RBM25: variants seen among roughly 807,000 people sequenced by gnomAD.
RBM25 encodes RNA binding motif protein 25.
Under a neutral mutation model 120.7 loss-of-function variants are expected in RBM25, and 19 were observed. The ratio of observed to expected loss-of-function variants is 0.16; its 90% CI spans 0.11 to 0.23. The LOEUF (loss-of-function observed/expected upper bound fraction) is 0.23. Among genes scored for constraint, RBM25 ranks in the 10% least tolerant of loss-of-function variants. The pLI, the probability that RBM25 is intolerant of heterozygous loss-of-function variation, is 1.00. For missense variants in RBM25, 605 were observed against 1,041.5 expected (o/e 0.58, Z 5.77); for synonymous variants, 390 against 326.7 (o/e 1.19, Z -2.09).
chr14:73,083,898 CTT>C (rs146202316), intron 5 of RBM25, among the ~76,000 whole-genome samples: 24 of 141,106 alleles, frequency 1.7e-4, no homozygotes, highest in Non-Finnish European at 2.2e-4. Flanking sequence ...GGCCTGTTAA[CTT>C]TTTTTTTTTT....
At chr14:73,101,361 G>C (rs1199519301) in intron 9 of RBM25, 1 of 152,170 alleles carries the variant, frequency 6.6e-6, no homozygotes, top group Non-Finnish European at 1.5e-5. Context: ...TCTGAAGAGA[G>C]AATAAGGTAA....
Position 73,107,617 on chromosome 14 carries a change from G to T in RBM25, c.1468-209G>T, listed in dbSNP as rs1435401821. 6.0e-6 allele frequency: 3 copies of T among 500,592 alleles called. No individual in the cohort carries two copies. The East Asian group carries it at 1.1e-4, about 19-fold the overall frequency. The allele number at this position is 500,592 out of a possible 1,614,324, so 31.0% of individuals were successfully genotyped here. A position where few individuals can be genotyped will look rare whatever the true frequency, so the allele number is the denominator to read the frequency against. The stretch of plus-strand genomic sequence containing the variant: ...GAATACATATACATTTATAAATATG[G>T]TTTGAATTCTGGGATCCAGGAGAAA... On this transcript the variant is annotated intron_variant, in intron 12 of 18. Coordinates refer to ENST00000261973, the MANE Select transcript of RBM25 (RefSeq NM_021239.3).
At position 73,067,067 on chromosome 14, in the gene RBM25, AT is replaced by A. The variant is rs375705058; in HGVS notation, c.-15-4540del. Among the ~76,000 whole-genome samples the A allele has an allele frequency of 3.3e-3, 430 of 131,186 alleles. 2 individuals carry two copies. The highest frequency in any genetic ancestry group is 8.2e-3 in the East Asian group (38 of 4,662). 86.1% of individuals were successfully genotyped at this position (131,186 alleles called of 152,430 possible). A position where few individuals can be genotyped will look rare whatever the true frequency, so the allele number is the denominator to read the frequency against. On this transcript the variant is annotated intron_variant, in intron 1 of 18. Transcript: ENST00000261973. The stretch of plus-strand genomic sequence containing the variant: ...TGGAGGTAAAGTTTGGATACATATA[AT>A]TTTTTTTTTTTTTTTTTTTGATGTG...
chr14:73,076,407 G>A, intron 3 of RBM25, 39 bp downstream of exon 3: 1 of 1,542,414 alleles, frequency 6.5e-7, no homozygotes, highest in Non-Finnish European at 9.0e-7. Flanking sequence ...AGTTATGGTA[G>A]TGCTAGTGCT....
chr14:73,089,178 G>T (rs1479826170), intron 6 of RBM25, among the ~76,000 whole-genome samples: 1 of 151,844 alleles, frequency 6.6e-6, no homozygotes, highest in Non-Finnish European at 1.5e-5. Flanking sequence ...TACCTTTCAT[G>T]TTCCCTCCAA....
At position 73,103,371 on chromosome 14, in the gene RBM25, GGACCGT is replaced by G. The variant is rs767935020; in HGVS notation, c.1053_1058del (p.Asp352_Arg353del). 1.9e-6 allele frequency: 3 copies of G among 1,609,890 alleles called. No homozygotes were observed. Among genetic ancestry groups the G allele is most frequent in the Non-Finnish European group, 2.5e-6 (3 of 1,177,908 alleles). On this transcript the variant is annotated inframe_deletion, in exon 10 of 19. Transcript: ENST00000261973. Reference sequence around the variant, plus strand: ...GGGAGCGGGAACGAGAACGGGATAGGGACCGTGACCGGACAAAAGAGAGAGACCGAG... The same window carrying G: ...GGGAGCGGGAACGAGAACGGGATAGGGACCGGACAAAAGAGAGAGACCGAG...
intron 1 of RBM25, among the ~76,000 whole-genome samples, chr14:73,066,280 A>G (rs187944729): frequency 1.9e-4 from 29 of 152,312 alleles, no homozygotes; most frequent in African/African-American, 6.7e-4. Context: ...CATTGTTAAT[A>G]TGTACTGATA....
chr14:73,099,573 T>C, intron 8 of RBM25, 94 bp from the exon 9 acceptor site: 1 of 1,586,296 alleles, frequency 6.3e-7, no homozygotes, highest in Non-Finnish European at 8.5e-7. Flanking sequence ...ACTTATTTAC[T>C]CTTTGAGACC....
At chr14:73,095,184 C>T (rs1461603800) in intron 6 of RBM25, among the ~76,000 whole-genome samples, 1 of 152,076 alleles carries the variant, frequency 6.6e-6, no homozygotes, top group Non-Finnish European at 1.5e-5. Context: ...CATGTAATGC[C>T]TTATATTTAA....
intron 15 of RBM25, 25 bp from the exon 16 acceptor site, chr14:73,111,503 T>G: frequency 6.4e-7 from 1 of 1,562,496 alleles, no homozygotes; most frequent in Non-Finnish European, 8.6e-7. Context: ...TAAGTCATCT[T>G]GCTAAGAGAG....
At position 73,099,696 on chromosome 14, in the gene RBM25, A is replaced by G; in HGVS notation, c.813A>G (p.Glu271=). The G allele has an allele frequency of 1.2e-6, 2 of 1,606,816 alleles. No homozygotes were observed. Among genetic ancestry groups the G allele is most frequent in the Non-Finnish European group, 1.7e-6 (2 of 1,178,306 alleles). The stretch of plus-strand genomic sequence containing the variant: ...ATATAAATGCTATAGAAATGGAAGA[A>G]GACAAAAGAGACCTGATATCTCGAG... ...KEDINAIEME[E]DKRDLISREI... is the part of the protein sequence containing the mutation. Residue 271 remains glutamate, a synonymous_variant, in exon 9 of 19, where the codon GAA becomes GAG. Transcript: ENST00000261973.
chr14:73,077,201 A>G lies in RBM25; in HGVS notation c.157-168A>G, dbSNP rs533827066. ...GTTTACTTGTCACAAATAAGTTTGC[A>G]TTAATGAAATGTGCTATGCACTTTA... is the stretch of plus-strand genomic sequence containing the variant. On this transcript the variant is annotated intron_variant, in intron 3 of 18. Transcript: ENST00000261973. Among the ~76,000 whole-genome samples, 336 of 152,378 alleles carry G rather than the reference A, an allele frequency of 2.2e-3. 1 individual carries two copies. Among genetic ancestry groups the G allele is most frequent in the African/African-American group, 7.6e-3 (317 of 41,592 alleles).
At chr14:73,091,724 A>G (rs912774846) in intron 6 of RBM25, among the ~76,000 whole-genome samples, 1 of 152,104 alleles carries the variant, frequency 6.6e-6, no homozygotes, top group African/African-American at 2.4e-5. Flanking sequence ...AAAAAATACA[A>G]AAATTAGCCG....
chr14:73,097,081 A>G lies in RBM25; in HGVS notation c.710A>G (p.Lys237Arg), dbSNP rs1895955871. The G allele has an allele frequency of 3.1e-6, 5 of 1,609,436 alleles. No homozygotes were observed. Among genetic ancestry groups the G allele is most frequent in the Non-Finnish European group, 4.2e-6 (5 of 1,178,862 alleles). Residue 237 changes from lysine to arginine, a missense_variant, in exon 7 of 19, where the codon AAG becomes AGG. This residue lies in a region of RBM25 where 465 missense variants were observed against 741.6 expected (regional missense o/e 0.63). Coordinates refer to ENST00000261973, the MANE Select transcript of RBM25 (RefSeq NM_021239.3). Reference sequence around the variant, plus strand: ...TCTGATTCTCACCCCAGGAAGAAGAAGAAGGAAAAGAAGGAGGACGTATGT... The same window carrying G: ...TCTGATTCTCACCCCAGGAAGAAGAGGAAGGAAAAGAAGGAGGACGTATGT... Reference protein sequence around the residue: ...QESDSHPRKKKKEKKEDIFRR... With the variant: ...QESDSHPRKKRKEKKEDIFRR...
chr14:73,075,996 T>C (rs1895411828), intron 2 of RBM25, among the ~76,000 whole-genome samples: 1 of 152,096 alleles, frequency 6.6e-6, no homozygotes, highest in Non-Finnish European at 1.5e-5. Flanking sequence ...TATAAGTCAG[T>C]CTGTATTTGT....
intron 7 of RBM25, among the ~76,000 whole-genome samples, chr14:73,097,524 A>G (rs756325680): frequency 7.2e-5 from 11 of 151,978 alleles, no homozygotes; most frequent in Non-Finnish European, 1.5e-4. Context: ...TTACAGAGAC[A>G]AGGTCTCACT....
At chr14:73,073,409 C>G (rs996906723) in intron 2 of RBM25, among the ~76,000 whole-genome samples, 1 of 152,090 alleles carries the variant, frequency 6.6e-6, no homozygotes, top group Non-Finnish European at 1.5e-5. Context: ...AAAATCAGGC[C>G]GGGCACAGTG....
chr14:73,069,624 G>T (rs994277665), intron 1 of RBM25, among the ~76,000 whole-genome samples: 1 of 151,360 alleles, frequency 6.6e-6, no homozygotes, highest in Non-Finnish European at 1.5e-5. Context: ...GTGGAGATGG[G>T]GTTTCTCCAT....
chr14:73,104,646 C>T (rs1213366780), intron 10 of RBM25, among the ~76,000 whole-genome samples: 3 of 152,032 alleles, frequency 2.0e-5, no homozygotes, highest in East Asian at 1.9e-4. Flanking sequence ...GGATTACAGG[C>T]GTGAGCCACC....
Sources: allele counts gnomAD v4.1 joint callset (sites outside exome capture counted in the v4.1 genomes callset), GRCh38; gene constraint gnomAD v4.1.1; regional missense constraint gnomAD v4.1.1; transcripts MANE v1.5; gene names NCBI Gene and HGNC (gene_info 2026-07-23, HGNC 2026-07-21).